Variants in TCEA3 observed in about 807,000 individuals in gnomAD.
TCEA3 encodes the protein transcription elongation factor A protein 3.
A neutral mutation model predicts 44.0 loss-of-function variants in TCEA3; 36 were observed. The observed-to-expected ratio is 0.82, with a 90% CI of 0.63 to 1.08. The LOEUF is 1.08. Among genes scored for constraint, TCEA3 ranks in the 50% least tolerant of loss-of-function variants. TCEA3 has a pLI of 0.00. For missense variants in TCEA3, 392 were observed against 441.2 expected (o/e 0.89, Z 1.00); for synonymous variants, 162 against 159.7 (o/e 1.01, Z -0.11).
chr1:23,417,455 T>C (rs569266877), intron 3 of TCEA3, 65 bp from the exon 4 acceptor site: 2 of 1,558,636 alleles, frequency 1.3e-6, no homozygotes, highest in South Asian at 1.2e-5. Context: ...CAGCATGACT[T>C]AGTGGGGAGA....
At chr1:23,384,091 C>T in intron 10 of TCEA3, 1 of 1,326,638 alleles carries the variant, frequency 7.5e-7, no homozygotes, top group Non-Finnish European at 9.6e-7. Context: ...GACAGACTTG[C>T]TCATCCTGTG....
chr1:23,387,559 G>T, intron 8 of TCEA3, 140 bp from the exon 9 acceptor site: 1 of 1,065,582 alleles, frequency 9.4e-7, no homozygotes, highest in Non-Finnish European at 1.3e-6. Flanking sequence ...CCTGGATTCC[G>T]GGTCCTGCCC....
At chr1:23,383,559 C>G (rs619274) in intron 10 of TCEA3, 891,405 of 974,204 alleles carry the variant, frequency 0.92, 408,048 homozygotes, top group Admixed American at 0.92. Flanking sequence ...ACATGCTCAG[C>G]ATGAGTAGGG....
At chr1:23,404,302 C>A in intron 5 of TCEA3, 1 of 659,994 alleles carries the variant, frequency 1.5e-6, no homozygotes, top group Non-Finnish European at 2.8e-6. Flanking sequence ...CTCACTCCCA[C>A]TTCCACACCT....
At chr1:23,391,908 G>A (rs1639039435) in intron 8 of TCEA3, among the ~76,000 whole-genome samples, 1 of 152,014 alleles carries the variant, frequency 6.6e-6, no homozygotes, top group Non-Finnish European at 1.5e-5. Context: ...GGGCAAAAGA[G>A]TGGACTCCAT....
intron 5 of TCEA3, among the ~76,000 whole-genome samples, chr1:23,407,845 T>A (rs1639586500): frequency 6.6e-6 from 1 of 152,186 alleles, no homozygotes. Context: ...AATGACTTGA[T>A]GATTTATGCT....
chr1:23,418,817 T>C (rs1295641426), intron 2 of TCEA3, among the ~76,000 whole-genome samples: 1 of 152,014 alleles, frequency 6.6e-6, no homozygotes, highest in Non-Finnish European at 1.5e-5. Context: ...GCCTTGGGAA[T>C]TGGGGTATTC....
Position 23,417,256 on chromosome 1 carries a change from T to C in TCEA3, c.373A>G (p.Lys125Glu), listed in dbSNP as rs749105840. The part of the protein sequence containing the change: ...SPPRKKREDP[K>E]TRRDSVDSKS... ...CATCCCAAAAAAGAATACCTGGTTTTGGGGTCTTCTCGTTTTTTCCTTGGT... is the reference window on the plus strand; with the variant it reads ...CATCCCAAAAAAGAATACCTGGTTTCGGGGTCTTCTCGTTTTTTCCTTGGT... Residue 125 changes from lysine (K) to glutamate (E), a missense_variant, in exon 4 of 11, where the codon AAA becomes GAA. Coordinates refer to ENST00000450454, the MANE Select transcript of TCEA3 (RefSeq NM_003196.3). The C allele has an allele frequency of 1.9e-6, 3 of 1,613,632 alleles. No homozygotes were observed. The African/African-American group carries it at 4.0e-5, about 22-fold the overall frequency.
intron 5 of TCEA3, among the ~76,000 whole-genome samples, chr1:23,405,274 C>G (rs932935075): frequency 6.6e-6 from 1 of 152,034 alleles, no homozygotes; most frequent in Non-Finnish European, 1.5e-5. Context: ...GTAAATCATG[C>G]AGGAAACAGT....
chr1:23,395,038 T>C (rs1489298598), intron 7 of TCEA3, among the ~76,000 whole-genome samples: 1 of 152,168 alleles, frequency 6.6e-6, no homozygotes, highest in East Asian at 1.9e-4. Context: ...CCATATACAA[T>C]AAAGAGACTG....
intron 4 of TCEA3, among the ~76,000 whole-genome samples, chr1:23,410,628 C>T (rs1639679964): frequency 6.6e-6 from 1 of 151,804 alleles, no homozygotes; most frequent in Non-Finnish European, 1.5e-5. Flanking sequence ...ATGGTGAAAC[C>T]CCATCTCTAC....
chr1:23,383,443 C>T, intron 10 of TCEA3: 1 of 951,504 alleles, frequency 1.1e-6, no homozygotes, highest in Non-Finnish European at 1.3e-6. Flanking sequence ...TAGTTGTTTG[C>T]AAAGTGTTTA....
Position 23,424,730 on chromosome 1 carries a change from G to A in TCEA3, c.-97C>T. ...AGGCGGAGGGCGCGCAACCCGCGCGGGCCCCAAACACACACGACACACACG... is the reference window on the plus strand; with the variant it reads ...AGGCGGAGGGCGCGCAACCCGCGCGAGCCCCAAACACACACGACACACACG... On this transcript the variant is annotated 5_prime_UTR_variant, in exon 1 of 11. Coordinates refer to ENST00000450454, the MANE Select transcript of TCEA3 (RefSeq NM_003196.3). 2.2e-6 allele frequency: 2 copies of A among 902,264 alleles called. No individual in the cohort carries two copies. Among genetic ancestry groups the A allele is most frequent in the Non-Finnish European group, 3.4e-6 (2 of 586,210 alleles). 55.9% of individuals were successfully genotyped at this position (902,264 alleles called of 1,614,324 possible).
At chr1:23,407,846 G>A (rs919518341) in intron 5 of TCEA3, among the ~76,000 whole-genome samples, 2 of 152,128 alleles carry the variant, frequency 1.3e-5, no homozygotes, top group Non-Finnish European at 2.9e-5. Context: ...ATGACTTGAT[G>A]ATTTATGCTA....
At chr1:23,407,047 A>T (rs988983167) in intron 5 of TCEA3, among the ~76,000 whole-genome samples, 1 of 152,150 alleles carries the variant, frequency 6.6e-6, no homozygotes, top group Admixed American at 6.6e-5. Context: ...ACACATCGAG[A>T]CCTGAACTCT....
intron 1 of TCEA3, among the ~76,000 whole-genome samples, chr1:23,422,064 G>A (rs1640081058): frequency 2.0e-5 from 3 of 152,262 alleles, no homozygotes; most frequent in African/African-American, 7.2e-5. Flanking sequence ...GTGCAGCTGT[G>A]AATATGCAGC....
At chr1:23,395,491 C>T (rs887981134) in intron 7 of TCEA3, among the ~76,000 whole-genome samples, 1 of 152,218 alleles carries the variant, frequency 6.6e-6, no homozygotes, top group Non-Finnish European at 1.5e-5. Context: ...AAACAAAGAG[C>T]TAAAGTGTTT....
intron 10 of TCEA3, chr1:23,383,377 G>A (rs1255953204): frequency 3.8e-5 from 35 of 914,984 alleles, no homozygotes; most frequent in Non-Finnish European, 4.3e-5. Context: ...AACTATTTCT[G>A]TATTTCAATT....
chr1:23,411,695 C>A (rs1639710390), intron 4 of TCEA3: 1 of 152,474 alleles, frequency 6.6e-6, no homozygotes. Context: ...TTTGGGAAAC[C>A]AAGGCCAAAG....
Sources: gnomAD v4.1 joint callset for allele counts (sites outside exome capture counted in the v4.1 genomes callset) on GRCh38, gnomAD v4.1.1 for gene constraint, MANE v1.5 for transcripts, NCBI Gene and HGNC (gene_info 2026-07-23, HGNC 2026-07-21) for gene names.